The following COL24A1 variants were observed in gnomAD, a reference collection of about 807,000 sequenced individuals.
The protein encoded by COL24A1 is collagen alpha-1(XXIV) chain.
Under a neutral mutation model 253.9 loss-of-function variants are expected in COL24A1, and 224 were observed. That is an observed-to-expected ratio of 0.88 (90% confidence interval 0.79 to 0.99). The LOEUF (loss-of-function observed/expected upper bound fraction) is 0.99, where lower values mean the gene tolerates loss of function less well. Among genes scored for constraint, COL24A1 ranks in the 50% least tolerant of loss-of-function variants. The pLI is 0.00. For missense variants in COL24A1, 2,131 were observed against 2,068.5 expected (o/e 1.03, Z -0.59); for synonymous variants, 685 against 673.7 (o/e 1.02, Z -0.26).
intron 24 of COL24A1, among the ~76,000 whole-genome samples, chr1:85,950,532 T>C (rs953872732): frequency 4.6e-5 from 7 of 152,280 alleles, no homozygotes; most frequent in Middle Eastern, 6.8e-3. Flanking sequence ...CCAGTAAGTA[T>C]TAGGCTTGAA....
At chr1:86,085,334 T>C (rs1315423452) in intron 7 of COL24A1, among the ~76,000 whole-genome samples, 1 of 152,150 alleles carries the variant, frequency 6.6e-6, no homozygotes, top group Non-Finnish European at 1.5e-5. Context: ...AAATAAAAAT[T>C]CACACTGATT....
chr1:85,917,773 C>T (rs1163299516), intron 24 of COL24A1, among the ~76,000 whole-genome samples: 11 of 152,064 alleles, frequency 7.2e-5, no homozygotes, highest in Non-Finnish European at 1.6e-4. Context: ...TCATTGTAAC[C>T]TTTGCCTCCC....
chr1:85,824,903 TTTA>T (rs67610324), intron 43 of COL24A1, among the ~76,000 whole-genome samples: 33,918 of 144,446 alleles, frequency 0.23, 4,174 homozygotes, highest in Non-Finnish European at 0.26. Flanking sequence ...TATTTATTCT[TTTA>T]TTATTATTAT....
chr1:86,146,404 G>A (rs1010561114), intron 1 of COL24A1, among the ~76,000 whole-genome samples: 1 of 151,904 alleles, frequency 6.6e-6, no homozygotes, highest in Non-Finnish European at 1.5e-5. Flanking sequence ...CTATGCCTTA[G>A]CTGCTTTATC....
chr1:85,970,396 G>A, intron 21 of COL24A1, 125 bp from the exon 22 acceptor site: 1 of 930,650 alleles, frequency 1.1e-6, no homozygotes, highest in Non-Finnish European at 1.6e-6. Context: ...AAATAATGCT[G>A]TTATTTTCTT....
chr1:86,099,207 T>C (rs1306560708), intron 5 of COL24A1, among the ~76,000 whole-genome samples: 1 of 152,186 alleles, frequency 6.6e-6, no homozygotes, highest in Admixed American at 6.5e-5. Context: ...TTCCGAGTGA[T>C]AATGAAAATG....
At chr1:86,056,851 C>G (rs1361694766) in intron 10 of COL24A1, among the ~76,000 whole-genome samples, 2 of 147,036 alleles carry the variant, frequency 1.4e-5, no homozygotes, top group Non-Finnish European at 3.0e-5. Context: ...AAGACTCTGT[C>G]TCACCAAAAA....
At chr1:85,933,075 C>G (rs1351776308) in intron 24 of COL24A1, among the ~76,000 whole-genome samples, 1 of 89,178 alleles carries the variant, frequency 1.1e-5, no homozygotes, top group Admixed American at 1.4e-4. Flanking sequence ...TACCCTAAAA[C>G]TTAGAGTATA....
At chr1:86,063,838 C>T in intron 7 of COL24A1, 79 bp from the exon 8 acceptor site, 2 of 955,504 alleles carry the variant, frequency 2.1e-6, no homozygotes, top group Non-Finnish European at 2.9e-6. Context: ...TTGCAAGTTG[C>T]CTTATATCCC....
rs1428218892 is a variant in COL24A1 at position 86,048,319 on chromosome 1, A to G, written c.1906-1450T>C. Among the ~76,000 whole-genome samples, 4 of 152,048 alleles carry G rather than the reference A, an allele frequency of 2.6e-5. No individual in the cohort carries two copies. The East Asian group carries it at 7.7e-4, about 29-fold the overall frequency. ...GCAATAGTTAGCATTACTCTATCTT[A>G]TTTTCTTCTGCTTTTTTGTACTTAA... On this transcript the variant is annotated intron_variant, in intron 11 of 59. Coordinates refer to ENST00000370571, the MANE Select transcript of COL24A1 (RefSeq NM_152890.7).
intron 24 of COL24A1, among the ~76,000 whole-genome samples, chr1:85,918,369 A>G (rs1686113126): frequency 6.6e-6 from 1 of 151,962 alleles, no homozygotes. Flanking sequence ...ACTATTTCTT[A>G]CCCACCTATT....
At chr1:85,896,305 T>C in intron 29 of COL24A1, 51 bp downstream of exon 29, 1 of 1,487,980 alleles carries the variant, frequency 6.7e-7, no homozygotes, top group East Asian at 2.3e-5. Flanking sequence ...GTAGGACATA[T>C]GATCTCAATA....
chr1:85,922,324 A>G (rs189607143), intron 24 of COL24A1, among the ~76,000 whole-genome samples: 4 of 152,322 alleles, frequency 2.6e-5, no homozygotes, highest in African/African-American at 9.6e-5. Flanking sequence ...AGAATTCCAC[A>G]AAGATACTCC....
At chr1:85,763,858 A>G (rs980404345) in intron 53 of COL24A1, among the ~76,000 whole-genome samples, 1 of 152,214 alleles carries the variant, frequency 6.6e-6, no homozygotes, top group African/African-American at 2.4e-5. Context: ...TTATTTGGCT[A>G]TAGTAAAAAC....
Position 85,823,542 on chromosome 1 carries a change from T to C in COL24A1, c.3783A>G (p.Gly1261=). The change falls in exon 45 of 60, where the codon GGA becomes GGG. Residue 1261 remains glycine (G), a synonymous_variant. Transcript: ENST00000370571. ...TTAAATAATTTCAACTTACTTCAGATCCTCTCTCTCCTTTTAGTCCTTGTT... is the reference window on the plus strand; with the variant it reads ...TTAAATAATTTCAACTTACTTCAGACCCTCTCTCTCCTTTTAGTCCTTGTT... ...QGEQGLKGER[G]SEGNKGKKGA... 3 of 1,613,964 alleles carry C rather than the reference T, an allele frequency of 1.9e-6. No homozygotes were observed. Among genetic ancestry groups the C allele is most frequent in the South Asian group, 1.1e-5 (1 of 91,074 alleles).
Position 85,823,529 on chromosome 1 carries a change from A to G in COL24A1, c.3789+7T>C. 1.2e-6 allele frequency: 2 copies of G among 1,613,748 alleles called. No homozygotes were observed. Among genetic ancestry groups the G allele is most frequent in the Non-Finnish European group, 1.7e-6 (2 of 1,179,840 alleles). On this transcript the variant is annotated splice_region_variant and intron_variant, in intron 45 of 59. Transcript: ENST00000370571. The stretch of plus-strand genomic sequence containing the variant: ...ATCTCAAATTGCCTTAAATAATTTC[A>G]ACTTACTTCAGATCCTCTCTCTCCT...
Position 86,125,189 on chromosome 1 carries a change from TATC to T in COL24A1, c.1144_1146del (p.Asp382del), listed in dbSNP as rs1314706780. ...TTAAACAGTGACAGACCAGTTACTC[TATC>T]ATCATGTTGTGTGATATTGTCAGAC... On this transcript the variant is annotated inframe_deletion, in exon 3 of 60. Coordinates refer to ENST00000370571, the MANE Select transcript of COL24A1 (RefSeq NM_152890.7). 6.2e-7 allele frequency: 1 copy of T among 1,613,538 alleles called. No individual in the cohort carries two copies. Among genetic ancestry groups the T allele is most frequent in the East Asian group, 2.2e-5 (1 of 44,858 alleles).
At position 85,874,689 on chromosome 1, in the gene COL24A1, G is replaced by T. The variant is rs754463412; in HGVS notation, c.3098C>A (p.Thr1033Asn). 1 of 1,612,310 alleles carries T rather than the reference G, an allele frequency of 6.2e-7. No homozygotes were observed. Among genetic ancestry groups the T allele is most frequent in the Non-Finnish European group, 8.5e-7 (1 of 1,179,946 alleles). ...CCCAGTTCCTCCAACACTGCCAGCA[G>T]TTCCAACATCTCCCTGAAGAAACAA... The part of the protein sequence containing the change: ...GEPGAKGDVG[T>N]AGSVGGTGEP... The change falls in exon 35 of 60, where the codon ACT (threonine) becomes AAT (asparagine). Residue 1033 changes from threonine to asparagine, a missense_variant. Coordinates refer to ENST00000370571, the MANE Select transcript of COL24A1 (RefSeq NM_152890.7).
chr1:85,965,772 G>C (rs1691508553), intron 22 of COL24A1, among the ~76,000 whole-genome samples: 1 of 152,122 alleles, frequency 6.6e-6, no homozygotes, highest in East Asian at 1.9e-4. Flanking sequence ...GTTCCAGGCA[G>C]AGGAAAAGGG....
Sources: allele counts gnomAD v4.1 joint callset (sites outside exome capture counted in the v4.1 genomes callset), GRCh38; gene constraint gnomAD v4.1.1; transcripts MANE v1.5; gene names NCBI Gene and HGNC (gene_info 2026-07-23, HGNC 2026-07-21).